The following KCNQ1 variants were observed in gnomAD, a reference collection of about 807,000 sequenced individuals.
KCNQ1 encodes potassium voltage-gated channel subfamily Q member 1.
A neutral mutation model predicts 72.4 loss-of-function variants in KCNQ1; 49 were observed. The observed-to-expected ratio is 0.68, with a 90% confidence interval of 0.54 to 0.86. The LOEUF is 0.86. Ranked by LOEUF, KCNQ1 falls within the 40% of genes least tolerant of loss-of-function variation. The pLI is 0.00. For missense variants in KCNQ1, 790 were observed against 945.1 expected (o/e 0.84, Z 2.15); for synonymous variants, 450 against 412.6 (o/e 1.09, Z -1.10).
intron 10 of KCNQ1, among the ~76,000 whole-genome samples, chr11:2,597,022 G>C (rs1415619066): frequency 6.6e-6 from 1 of 152,082 alleles, no homozygotes; most frequent in Non-Finnish European, 1.5e-5. Flanking sequence ...TGTAAATCAA[G>C]ATAGAAGTTA....
At chr11:2,685,870 C>T (rs988985171) in intron 11 of KCNQ1, 15 of 398,608 alleles carry the variant, frequency 3.8e-5, no homozygotes, top group Non-Finnish European at 6.6e-5. Flanking sequence ...AGGACTCAGA[C>T]CACAACTAGA....
chr11:2,560,114 G>A (rs1848137116), intron 2 of KCNQ1, among the ~76,000 whole-genome samples: 1 of 123,704 alleles, frequency 8.1e-6, no homozygotes, highest in African/African-American at 3.1e-5. Flanking sequence ...GTCAGGAGGG[G>A]GTTAGCATCT....
At chr11:2,575,282 C>T (rs927635926) in intron 6 of KCNQ1, among the ~76,000 whole-genome samples, 10 of 152,174 alleles carry the variant, frequency 6.6e-5, no homozygotes, top group Admixed American at 2.0e-4. Context: ...CGGCCCACAC[C>T]GTCAGCTGCA....
At chr11:2,656,866 C>A (rs887648573) in intron 10 of KCNQ1, 2 of 398,474 alleles carry the variant, frequency 5.0e-6, no homozygotes, top group African/African-American at 4.1e-5. Context: ...GGTCTTCAAT[C>A]CCCTAGAATG....
Position 2,674,035 on chromosome 11 carries a change from C to T in KCNQ1, c.1514+11954C>T, listed in dbSNP as rs761989440. ...TTTCTGGCTCTTTGGGCCTGGGGTG[C>T]AGCCCCTCATTTGTACTTGCTGGCT... On this transcript the variant is annotated intron_variant, in intron 11 of 15. Coordinates refer to ENST00000155840, the MANE Select transcript of KCNQ1 (RefSeq NM_000218.3). This position sits in a 1 kb window ranked among gnomAD's most constrained non-coding sequence, Gnocchi z 5.9. The T allele has an allele frequency of 1.8e-5, 7 of 398,368 alleles. No individual in the cohort carries two copies. Among genetic ancestry groups the T allele is most frequent in the Non-Finnish European group, 3.1e-5 (7 of 226,060 alleles). The allele number at this position is 398,368 out of a possible 1,614,324, so 24.7% of individuals were successfully genotyped here.
intron 11 of KCNQ1, chr11:2,694,957 G>A: frequency 2.5e-6 from 1 of 398,690 alleles, no homozygotes; most frequent in Middle Eastern, 6.3e-4. Flanking sequence ...AGGGATACTT[G>A]GCAGATTTAA....
intron 10 of KCNQ1, among the ~76,000 whole-genome samples, chr11:2,589,314 G>A (rs1247275699): frequency 6.6e-6 from 1 of 152,168 alleles, no homozygotes; most frequent in Non-Finnish European, 1.5e-5. Context: ...GACGGGACAG[G>A]CCCTTCTCAT....
At position 2,646,688 on chromosome 11, in the gene KCNQ1, C is replaced by G. The variant is rs183750331; in HGVS notation, c.1394-15273C>G. 13 of 398,590 alleles carry G rather than the reference C, an allele frequency of 3.3e-5. No homozygotes were observed. The East Asian group carries it at 4.6e-4, about 14-fold the overall frequency. 24.7% of individuals were successfully genotyped at this position (398,590 alleles called of 1,614,324 possible). On this transcript the variant is annotated intron_variant, in intron 10 of 15. Transcript: ENST00000155840. Reference sequence around the variant, plus strand: ...TTCAGGTGCAGGCCACCACGCCCAGCTCATTTTTGTACTGATGAGGTTTTG... The same window carrying G: ...TTCAGGTGCAGGCCACCACGCCCAGGTCATTTTTGTACTGATGAGGTTTTG...
rs1158797979 is a variant in KCNQ1 at position 2,509,944 on chromosome 11, C to T, written c.387-17984C>T. ...GGGCTGCCTCTCTCTTTAGATATGT[C>T]CTGGCATCTGACTTTGGTTTCCTGG... On this transcript the variant is annotated intron_variant, in intron 1 of 15. Transcript: ENST00000155840. This position sits in a 1 kb window ranked among gnomAD's most constrained non-coding sequence, Gnocchi z 6.3. Among the ~76,000 whole-genome samples, 1 of 152,100 alleles carries T rather than the reference C, an allele frequency of 6.6e-6. No individual in the cohort carries two copies. The highest frequency in any genetic ancestry group is 2.4e-5 in the African/African-American group (1 of 41,428).
chr11:2,693,712 C>T (rs750709916), intron 11 of KCNQ1: 2 of 398,590 alleles, frequency 5.0e-6, no homozygotes, highest in Non-Finnish European at 8.8e-6. Flanking sequence ...ATGGGCCTTC[C>T]TGGCTGGTGT....
intron 11 of KCNQ1, chr11:2,686,497 A>C: frequency 2.5e-6 from 1 of 398,658 alleles, no homozygotes; most frequent in South Asian, 1.3e-4. Context: ...ACCCTCACCC[A>C]GTGTTGAGTC....
In KCNQ1 at chr11:2,647,273, A is replaced by G. The variant is rs1849681139; in HGVS notation, c.1394-14688A>G. The G allele has an allele frequency of 2.5e-6, 1 of 398,266 alleles. No homozygotes were observed. Among genetic ancestry groups the G allele is most frequent in the Admixed American group, 4.4e-5 (1 of 22,696 alleles). The allele number at this position is 398,266 out of a possible 1,614,324, so 24.7% of individuals were successfully genotyped here. On this transcript the variant is annotated intron_variant, in intron 10 of 15. Coordinates refer to ENST00000155840, the MANE Select transcript of KCNQ1 (RefSeq NM_000218.3). The surrounding 1 kb of genome is among the most constrained non-coding windows in gnomAD (Gnocchi z 4.0). ...CTTCCTTCTGTTAATGTGATGTATC[A>G]CATTTATTGATTTGTATATGTTGAA... is the stretch of plus-strand genomic sequence containing the variant.
chr11:2,806,364 C>T (rs1257569478), intron 15 of KCNQ1, among the ~76,000 whole-genome samples: 3 of 152,286 alleles, frequency 2.0e-5, no homozygotes, highest in Admixed American at 6.5e-5. Flanking sequence ...CTGCTGAGGA[C>T]GCTAGCCCCT....
chr11:2,684,926 C>T (rs1367491317), intron 11 of KCNQ1: 1 of 398,564 alleles, frequency 2.5e-6, no homozygotes, highest in Non-Finnish European at 4.4e-6. Context: ...TGTCCCTGAT[C>T]CATGCAGCAT....
chr11:2,784,182 G>C lies in KCNQ1; in HGVS notation c.1794+6145G>C, dbSNP rs1846874109. 6.6e-6 allele frequency among the ~76,000 whole-genome samples: 1 copy of C among 151,814 alleles called. No individual in the cohort carries two copies. The highest frequency in any genetic ancestry group is 1.5e-5 in the Non-Finnish European group (1 of 67,788). On this transcript the variant is annotated intron_variant, in intron 15 of 15. Coordinates refer to ENST00000155840, the MANE Select transcript of KCNQ1 (RefSeq NM_000218.3). This position sits in a 1 kb window ranked among gnomAD's most constrained non-coding sequence, Gnocchi z 4.7. ...TTACTTTGAGGTAATTTTGGGGTATGATATGAAGTAAAGTCTAGATTTGTT... is the reference window on the plus strand; with the variant it reads ...TTACTTTGAGGTAATTTTGGGGTATCATATGAAGTAAAGTCTAGATTTGTT...
At position 2,612,418 on chromosome 11, in the gene KCNQ1, C is replaced by T. The variant is rs984948967; in HGVS notation, c.1393+23564C>T. 29 of 398,438 alleles carry T rather than the reference C, an allele frequency of 7.3e-5. No individual in the cohort carries two copies. Among genetic ancestry groups the T allele is most frequent in the African/African-American group, 6.0e-4 (29 of 48,596 alleles). The allele number at this position is 398,438 out of a possible 1,614,324, so 24.7% of individuals were successfully genotyped here. A position where few individuals can be genotyped will look rare whatever the true frequency, so the allele number is the denominator to read the frequency against. ...CTATATTATGGTATCCAATGGGTAT[C>T]TCTTCATTTTTCTTCATTATTTTTC... On this transcript the variant is annotated intron_variant, in intron 10 of 15. Transcript: ENST00000155840. This position sits in a 1 kb window ranked among gnomAD's most constrained non-coding sequence, Gnocchi z 5.5.
rs1034236293 is a variant in KCNQ1, at chr11:2,654,753, G to A, written c.1394-7208G>A. The A allele has an allele frequency of 1.8e-4, 71 of 398,568 alleles. No homozygotes were observed. Among genetic ancestry groups the A allele is most frequent in the East Asian group, 3.6e-5 (1 of 28,066 alleles). The allele number at this position is 398,568 out of a possible 1,614,324, so 24.7% of individuals were successfully genotyped here. ...CTGGGCAGGGAGGGGTCTGGGGCTC[G>A]ATGAGAAGGCAGAGGAAGTGAGACC... On this transcript the variant is annotated intron_variant, in intron 10 of 15. Coordinates refer to ENST00000155840, the MANE Select transcript of KCNQ1 (RefSeq NM_000218.3). This position sits in a 1 kb window ranked among gnomAD's most constrained non-coding sequence, Gnocchi z 6.4.
rs570455262 is a variant in KCNQ1, at chr11:2,818,522, G to T, written c.1795-29245G>T. ...GAGCTGTCACAGGACTTTGCCACCCGGGGTGAGGGGCCTAGAAACCCCTCT... is the reference window on the plus strand; with the variant it reads ...GAGCTGTCACAGGACTTTGCCACCCTGGGTGAGGGGCCTAGAAACCCCTCT... On this transcript the variant is annotated intron_variant, in intron 15 of 15. Transcript: ENST00000155840. This position sits in a 1 kb window ranked among gnomAD's most constrained non-coding sequence, Gnocchi z 7.2. Among the ~76,000 whole-genome samples, 8 of 152,068 alleles carry T rather than the reference G, an allele frequency of 5.3e-5. No individual in the cohort carries two copies. Among genetic ancestry groups the T allele is most frequent in the African/African-American group, 9.7e-5 (4 of 41,388 alleles).
In KCNQ1 at chr11:2,567,585, C is replaced by T. The variant is rs1277061263; in HGVS notation, c.478-3043C>T. On this transcript the variant is annotated intron_variant, in intron 2 of 15. Transcript: ENST00000155840. The surrounding 1 kb of genome is among the most constrained non-coding windows in gnomAD (Gnocchi z 6.6). ...ATCTCTGAGCAAACATTCCATCTTG[C>T]TGTTTCCAGCCTAGAGATGGTGAGG... Among the ~76,000 whole-genome samples, 2 of 152,194 alleles carry T rather than the reference C, an allele frequency of 1.3e-5. No individual in the cohort carries two copies.
Sources: allele counts gnomAD v4.1 joint callset (sites outside exome capture counted in the v4.1 genomes callset), GRCh38; gene constraint gnomAD v4.1.1; non-coding constraint Gnocchi (gnomAD v3.1); transcripts MANE v1.5; gene names NCBI Gene and HGNC (gene_info 2026-07-23, HGNC 2026-07-21).